The following CTNNA2 variants were observed in gnomAD, a reference collection of about 807,000 sequenced individuals.
CTNNA2 encodes catenin alpha 2, also known as catenin alpha-2.
Under a neutral mutation model 101.0 loss-of-function variants are expected in CTNNA2, and 42 were observed. The observed-to-expected ratio is 0.42, with a 90% CI of 0.32 to 0.54. The LOEUF is 0.54. Ranked by LOEUF, CTNNA2 falls within the 20% of genes least tolerant of loss-of-function variation. The probability of loss-of-function intolerance (pLI) is 0.14; values close to 1 mark genes in which losing one functional copy is unlikely to be tolerated. For missense variants in CTNNA2, 871 were observed against 1,223.1 expected (o/e 0.71, Z 4.29); for synonymous variants, 450 against 456.4 (o/e 0.99, Z 0.18).
At chr2:80,435,419 T>TC (rs1681941059) in intron 9 of CTNNA2, among the ~76,000 whole-genome samples, 2 of 152,326 alleles carry the variant, frequency 1.3e-5, no homozygotes, top group South Asian at 2.1e-4. Flanking sequence ...ATTTTTTTTT[T>TC]CTCTGTGATC....
chr2:80,324,709 A>C (rs892366815), intron 7 of CTNNA2, among the ~76,000 whole-genome samples: 2 of 152,174 alleles, frequency 1.3e-5, no homozygotes, highest in Admixed American at 1.3e-4. Flanking sequence ...ACTCCAAATC[A>C]TCTGGACCTT....
rs182499420 is a variant in CTNNA2 at position 79,372,360 on chromosome 2, T to C, written c.-317-1471T>C. On this transcript the variant is annotated intron_variant, in intron 3 of 21. Coordinates refer to the CTNNA2 transcript ENST00000466387. Reference sequence around the variant, plus strand: ...GTTAGAGTTACCTACTCATTTGTATTTAACCCTGCGCTCCAGGAATTACAG... The same window carrying C: ...GTTAGAGTTACCTACTCATTTGTATCTAACCCTGCGCTCCAGGAATTACAG... Among the ~76,000 whole-genome samples the C allele has an allele frequency of 1.4e-3, 213 of 152,286 alleles. 2 individuals carry two copies. Among genetic ancestry groups the C allele is most frequent in the Non-Finnish European group, 5.4e-4 (37 of 68,026 alleles).
At chr2:80,459,380 A>G (rs891618152) in intron 9 of CTNNA2, among the ~76,000 whole-genome samples, 1 of 152,200 alleles carries the variant, frequency 6.6e-6, no homozygotes, top group Admixed American at 6.5e-5. Context: ...CAGAAGGACC[A>G]CAGTTCACCT....
At chr2:79,319,311 A>G (rs1410493892) in intron 3 of CTNNA2, among the ~76,000 whole-genome samples, 1 of 152,188 alleles carries the variant, frequency 6.6e-6, no homozygotes, top group African/African-American at 2.4e-5. Context: ...GTATGAGTGC[A>G]TTACCTAAGG....
chr2:80,461,734 T>C (rs1684444929), intron 9 of CTNNA2, among the ~76,000 whole-genome samples: 1 of 152,166 alleles, frequency 6.6e-6, no homozygotes, highest in Non-Finnish European at 1.5e-5. Context: ...AAAATCAGTC[T>C]CACTGCTTTG....
intron 3 of CTNNA2, among the ~76,000 whole-genome samples, chr2:79,833,992 A>T (rs1355112007): frequency 6.6e-6 from 1 of 152,188 alleles, no homozygotes; most frequent in Non-Finnish European, 1.5e-5. Context: ...ACATAAATTA[A>T]CTATTTTCTT....
intron 7 of CTNNA2, among the ~76,000 whole-genome samples, chr2:80,219,993 C>T (rs1708487714): frequency 6.6e-6 from 1 of 151,912 alleles, no homozygotes; most frequent in African/African-American, 2.4e-5. Flanking sequence ...ACAAAAAAAA[C>T]ACAAAAACCA....
At position 79,297,967 on chromosome 2, in the gene CTNNA2, C is replaced by A. The variant is rs571236376; in HGVS notation, c.-405-14742C>A. On this transcript the variant is annotated intron_variant, in intron 2 of 21. Coordinates refer to the CTNNA2 transcript ENST00000466387. The stretch of plus-strand genomic sequence containing the variant: ...TGTTTTAAACTTCCAACATTTTGTG[C>A]AATTGGTTCTCCAGAGTTTAGTCAA... Among the ~76,000 whole-genome samples the A allele has an allele frequency of 4.6e-5, 7 of 152,284 alleles. No individual in the cohort carries two copies. In the South Asian group the frequency reaches 1.4e-3, roughly 32 times the overall value.
intron 18 of CTNNA2, among the ~76,000 whole-genome samples, chr2:80,639,513 A>ATG (rs112045877): frequency 0.074 from 10,937 of 147,470 alleles, 438 homozygotes; most frequent in South Asian, 0.14. Context: ...CCCAGCCTTG[A>ATG]TGTGTGTGTG....
chr2:80,092,880 A>G (rs183770582), intron 7 of CTNNA2, among the ~76,000 whole-genome samples: 1 of 152,258 alleles, frequency 6.6e-6, no homozygotes, highest in Admixed American at 6.5e-5. Context: ...AGCTTATTGT[A>G]AAACTCAAAT....
chr2:79,986,319 T>G (rs1227676654), intron 7 of CTNNA2, among the ~76,000 whole-genome samples: 1 of 152,114 alleles, frequency 6.6e-6, no homozygotes, highest in Admixed American at 6.5e-5. Context: ...TTTGAGGATA[T>G]TCCTCTTTAC....
chr2:80,203,377 C>T (rs1274961994), intron 7 of CTNNA2, among the ~76,000 whole-genome samples: 1 of 152,222 alleles, frequency 6.6e-6, no homozygotes, highest in Non-Finnish European at 1.5e-5. Flanking sequence ...AAGTTAGTTA[C>T]TTCCTAGATA....
chr2:79,421,799 G>C (rs1463039866), intron 4 of CTNNA2, among the ~76,000 whole-genome samples: 2 of 152,080 alleles, frequency 1.3e-5, no homozygotes, highest in Non-Finnish European at 2.9e-5. Flanking sequence ...AGGATGTTAG[G>C]AGAACACTAA....
intron 4 of CTNNA2, among the ~76,000 whole-genome samples, chr2:79,499,544 A>G (rs1373222106): frequency 2.6e-5 from 4 of 152,166 alleles, no homozygotes; most frequent in Admixed American, 2.0e-4. Flanking sequence ...TCCCATAGCC[A>G]CAGACACTAT....
At chr2:79,647,194 C>G (rs747488884) in intron 1 of CTNNA2, among the ~76,000 whole-genome samples, 3 of 152,082 alleles carry the variant, frequency 2.0e-5, no homozygotes, top group African/African-American at 7.2e-5. Context: ...CTTGTTTTCT[C>G]GTTTGTGTCA....
At chr2:80,353,001 A>T (rs1464917186) in intron 7 of CTNNA2, among the ~76,000 whole-genome samples, 6 of 152,088 alleles carry the variant, frequency 3.9e-5, no homozygotes, top group Non-Finnish European at 8.8e-5. Context: ...TACATGTATC[A>T]GTGCTTGAGA....
chr2:80,109,463 GAAACAAACAAAC>G (rs3067112), intron 7 of CTNNA2, among the ~76,000 whole-genome samples: 4 of 151,524 alleles, frequency 2.6e-5, no homozygotes, highest in East Asian at 1.9e-4. Flanking sequence ...TCTGTCTCAA[GAAACAAACAAAC>G]AAACAAACAA....
chr2:79,376,409 T>C lies in CTNNA2; in HGVS notation c.-135+2396T>C, dbSNP rs186664311. On this transcript the variant is annotated intron_variant, in intron 4 of 21. Transcript: ENST00000466387. The stretch of plus-strand genomic sequence containing the variant: ...TACCTGTATTACTGAATAACTGAAT[T>C]TATCTATGTTGAGTATAGCCAAAAT... Among the ~76,000 whole-genome samples, 189 of 152,226 alleles carry C rather than the reference T, an allele frequency of 1.2e-3. 3 individuals are homozygous for C. Among genetic ancestry groups the C allele is most frequent in the Admixed American group, 0.011 (171 of 15,286 alleles).
intron 5 of CTNNA2, among the ~76,000 whole-genome samples, chr2:79,507,495 A>G (rs182718640): frequency 6.6e-6 from 1 of 152,176 alleles, no homozygotes; most frequent in Non-Finnish European, 1.5e-5. Context: ...CCATAAGATA[A>G]TGCAGCAAGA....
Sources: allele counts gnomAD v4.1 joint callset (sites outside exome capture counted in the v4.1 genomes callset), GRCh38; gene constraint gnomAD v4.1.1; transcripts MANE v1.5; gene names NCBI Gene and HGNC (gene_info 2026-07-23, HGNC 2026-07-21).